The following CDKAL1 variants were observed in gnomAD, a reference collection of about 807,000 sequenced individuals.
The protein encoded by CDKAL1 is threonylcarbamoyladenosine tRNA methylthiotransferase.
A neutral mutation model predicts 68.2 loss-of-function variants in CDKAL1; 32 were observed. The observed-to-expected ratio is 0.47, with a 90% CI of 0.35 to 0.63. The LOEUF (loss-of-function observed/expected upper bound fraction) is 0.63, where lower values mean the gene tolerates loss of function less well. CDKAL1 is among the 30% of genes least tolerant of loss of function. The probability of loss-of-function intolerance (pLI) is 0.00; values close to 1 mark genes in which losing one functional copy is unlikely to be tolerated. For synonymous variants in CDKAL1, 234 were observed against 244.3 expected (o/e 0.96, Z 0.39); for missense variants, 606 against 696.7 (o/e 0.87, Z 1.47).
At chr6:20,918,850 T>C (rs1217918303) in intron 9 of CDKAL1, among the ~76,000 whole-genome samples, 2 of 152,328 alleles carry the variant, frequency 1.3e-5, no homozygotes, top group East Asian at 1.9e-4. Context: ...CCCTATAAGA[T>C]GCTGAGGTGA....
At chr6:20,984,526 G>A (rs1035084786) in intron 10 of CDKAL1, among the ~76,000 whole-genome samples, 5 of 152,132 alleles carry the variant, frequency 3.3e-5, no homozygotes, top group African/African-American at 9.7e-5. Context: ...ACACACACTC[G>A]TGGCACCCAA....
At chr6:21,095,500 C>A (rs1773269895) in intron 12 of CDKAL1, among the ~76,000 whole-genome samples, 1 of 152,138 alleles carries the variant, frequency 6.6e-6, no homozygotes, top group South Asian at 2.1e-4. Context: ...CAAGGGGAAA[C>A]TCAGCTACTT....
intron 11 of CDKAL1, among the ~76,000 whole-genome samples, chr6:21,022,350 T>C (rs1768712675): frequency 6.6e-6 from 1 of 152,214 alleles, no homozygotes; most frequent in African/African-American, 2.4e-5. Context: ...TGAGCATTAT[T>C]TGCAGTGCAG....
intron 12 of CDKAL1, 102 bp from the exon 13 acceptor site, chr6:21,108,299 C>G: frequency 5.0e-6 from 2 of 398,310 alleles, no homozygotes; most frequent in Non-Finnish European, 4.3e-6. Context: ...AAAAAAAAAA[C>G]TTTATGTATG....
intron 8 of CDKAL1, among the ~76,000 whole-genome samples, chr6:20,790,472 G>T (rs1242235540): frequency 1.3e-5 from 2 of 152,162 alleles, no homozygotes; most frequent in East Asian, 1.9e-4. Context: ...GTCGGAGAAA[G>T]GTAGCTTGAG....
chr6:20,954,459 T>G (rs1462246993), intron 9 of CDKAL1, among the ~76,000 whole-genome samples: 1 of 152,190 alleles, frequency 6.6e-6, no homozygotes, highest in African/African-American at 2.4e-5. Context: ...TGTGTTGAGG[T>G]TCTTCAGAAG....
chr6:20,902,774 A>G (rs536793861), intron 9 of CDKAL1, among the ~76,000 whole-genome samples: 2 of 152,320 alleles, frequency 1.3e-5, no homozygotes, highest in South Asian at 4.1e-4. Context: ...GGAGCTTTCC[A>G]AAAGGCAATA....
intron 12 of CDKAL1, among the ~76,000 whole-genome samples, chr6:21,103,826 C>T (rs1421527913): frequency 1.3e-5 from 2 of 152,132 alleles, no homozygotes; most frequent in Non-Finnish European, 2.9e-5. Flanking sequence ...CAGGTGGTTG[C>T]ATGACTGAGA....
At chr6:20,673,913 T>C (rs1405555478) in intron 5 of CDKAL1, among the ~76,000 whole-genome samples, 1 of 152,218 alleles carries the variant, frequency 6.6e-6, no homozygotes, top group Non-Finnish European at 1.5e-5. Context: ...GAAAACAGAC[T>C]AATACACGAT....
At chr6:21,223,442 C>G (rs762656054) in intron 15 of CDKAL1, among the ~76,000 whole-genome samples, 2 of 152,222 alleles carry the variant, frequency 1.3e-5, no homozygotes, top group Non-Finnish European at 2.9e-5. Context: ...AATACTCCTT[C>G]TACTTAGTAT....
chr6:20,647,012 C>A (rs62397614), intron 4 of CDKAL1, among the ~76,000 whole-genome samples: 5,606 of 152,142 alleles, frequency 0.037, 113 homozygotes, highest in Middle Eastern at 0.068. Flanking sequence ...CCCAAAGTGC[C>A]GGGATTACAG....
chr6:21,082,374 A>G (rs1772452415), intron 12 of CDKAL1, among the ~76,000 whole-genome samples: 2 of 152,224 alleles, frequency 1.3e-5, no homozygotes, highest in African/African-American at 4.8e-5. Flanking sequence ...TATTCTTTCA[A>G]CAATCTTTTT....
rs540365724 is a variant in CDKAL1, at chr6:20,704,047, A to G, written c.372-35472A>G. Among the ~76,000 whole-genome samples, 76 of 152,350 alleles carry G rather than the reference A, an allele frequency of 5.0e-4. 1 individual carries two copies. In the South Asian group the frequency reaches 5.6e-3, roughly 11 times the overall value. On this transcript the variant is annotated intron_variant, in intron 5 of 15. Transcript: ENST00000274695. ...TGTGTTGGGGATTTCATTCAACACA[A>G]TTATTGATTGTTTCAGGTATTAAGC... is the stretch of plus-strand genomic sequence containing the variant.
At chr6:20,899,143 C>A (rs973021364) in intron 9 of CDKAL1, among the ~76,000 whole-genome samples, 1 of 150,808 alleles carries the variant, frequency 6.6e-6, no homozygotes, top group Admixed American at 6.6e-5. Context: ...CTGCTCACTG[C>A]AAGCTCTGCC....
chr6:20,808,299 G>C (rs1418846965), intron 8 of CDKAL1, among the ~76,000 whole-genome samples: 1 of 151,720 alleles, frequency 6.6e-6, no homozygotes, highest in Admixed American at 6.6e-5. Flanking sequence ...TTTTATTTTG[G>C]ATGTTGTCAA....
intron 10 of CDKAL1, 146 bp downstream of exon 10, chr6:20,955,731 A>C: frequency 1.6e-6 from 1 of 638,122 alleles, no homozygotes; most frequent in Non-Finnish European, 2.5e-6. Flanking sequence ...ATGAATCAAG[A>C]CTTTCAAATC....
chr6:20,635,498 T>C (rs919992783), intron 4 of CDKAL1, among the ~76,000 whole-genome samples: 5 of 150,304 alleles, frequency 3.3e-5, no homozygotes, highest in African/African-American at 7.4e-5. Flanking sequence ...ATTTTTTTTT[T>C]CCAGATTTTG....
intron 9 of CDKAL1, among the ~76,000 whole-genome samples, chr6:20,848,534 G>A (rs1758815342): frequency 6.6e-6 from 1 of 152,104 alleles, no homozygotes; most frequent in Non-Finnish European, 1.5e-5. Context: ...ACTAGTTAAG[G>A]CGAGTGATTC....
intron 13 of CDKAL1, among the ~76,000 whole-genome samples, chr6:21,190,067 GA>G (rs893529935): frequency 6.0e-4 from 91 of 152,018 alleles, no homozygotes; most frequent in African/African-American, 2.1e-3. Context: ...ACAGACACTA[GA>G]AATATTATTT....
Sources: allele counts gnomAD v4.1 joint callset (sites outside exome capture counted in the v4.1 genomes callset), GRCh38; gene constraint gnomAD v4.1.1; transcripts MANE v1.5; gene names NCBI Gene and HGNC (gene_info 2026-07-23, HGNC 2026-07-21).